Variants in TRAF7 observed in about 807,000 individuals in gnomAD.
The protein encoded by TRAF7 is TNF receptor associated factor 7, also known as E3 ubiquitin-protein ligase TRAF7.
In TRAF7, 45 loss-of-function variants were observed where a neutral mutation model predicts 89.3. The ratio of observed to expected loss-of-function variants is 0.50; its 90% CI spans 0.40 to 0.65. The LOEUF is 0.65. Ranked by LOEUF, TRAF7 falls within the 30% of genes least tolerant of loss-of-function variation. The pLI, the probability that TRAF7 is intolerant of heterozygous loss-of-function variation, is 0.00. For synonymous variants in TRAF7, 406 were observed against 369.2 expected (o/e 1.10, Z -1.14); for missense variants, 677 against 918.1 (o/e 0.74, Z 3.39).
rs985028267 is a variant in TRAF7 at position 2,159,733 on chromosome 16, CACAG to C, written c.-39+3876_-39+3879del. ...CTCCTCCCAGGGCAGTTGCAGGCCT[CACAG>C]GCACACCCACCCATGGCTTGCGCCC... On this transcript the variant is annotated intron_variant, in intron 1 of 20. Coordinates refer to ENST00000326181, the MANE Select transcript of TRAF7 (RefSeq NM_032271.3). This position sits in a 1 kb window ranked among gnomAD's most constrained non-coding sequence, Gnocchi z 6.5. Among the ~76,000 whole-genome samples, 8 of 152,226 alleles carry C rather than the reference CACAG, an allele frequency of 5.3e-5. No homozygotes were observed. Among genetic ancestry groups the C allele is most frequent in the African/African-American group, 1.9e-4 (8 of 41,454 alleles).
chr16:2,169,629 G>A (rs1397679198), intron 4 of TRAF7, among the ~76,000 whole-genome samples: 7 of 152,198 alleles, frequency 4.6e-5, no homozygotes, highest in Non-Finnish European at 1.0e-4. Context: ...AGGCCCGGGA[G>A]AGTGGTTCCC....
At position 2,173,287 on chromosome 16, in the gene TRAF7, G is replaced by A. The variant is rs773875979; in HGVS notation, c.900G>A (p.Glu300=). The A allele has an allele frequency of 9.9e-6, 16 of 1,613,656 alleles. No individual in the cohort carries two copies. The highest frequency in any genetic ancestry group is 1.4e-5 in the Non-Finnish European group (16 of 1,180,004). The part of the protein sequence containing the change: ...FLQQTDDRFH[E]MHVALAQKDQ... ...AGCAGACGGATGACCGCTTCCACGAGATGCACGTGGCTCTGGCCCAGAAGG... is the reference window on the plus strand; with the variant it reads ...AGCAGACGGATGACCGCTTCCACGAAATGCACGTGGCTCTGGCCCAGAAGG... Residue 300 remains glutamate, a synonymous_variant, in exon 10 of 21, where the codon GAG becomes GAA. Coordinates refer to ENST00000326181, the MANE Select transcript of TRAF7 (RefSeq NM_032271.3).
intron 20 of TRAF7, 60 bp from the exon 21 acceptor site, chr16:2,176,500 G>A (rs1567254429): frequency 1.2e-6 from 2 of 1,612,888 alleles, no homozygotes; most frequent in Non-Finnish European, 1.7e-6. Context: ...TGTGGCAGGT[G>A]TGGCTGGGGC....
chr16:2,172,126 G>A lies in TRAF7; in HGVS notation c.476-65G>A. ...GATCTGGCCCCCATTAGAGGCTCATGCCCACCCGGGTGAGGGAGCGTGTGC... is the reference window on the plus strand; with the variant it reads ...GATCTGGCCCCCATTAGAGGCTCATACCCACCCGGGTGAGGGAGCGTGTGC... On this transcript the variant is annotated intron_variant, in intron 7 of 20. Transcript: ENST00000326181. The A allele has an allele frequency of 2.5e-6, 4 of 1,593,258 alleles. No homozygotes were observed. The South Asian group carries it at 4.5e-5, about 18-fold the overall frequency.
Position 2,163,910 on chromosome 16 carries a change from C to CTCTCTAGA in TRAF7, c.-10_-3dup. On this transcript the variant is annotated 5_prime_UTR_variant, in exon 2 of 21. Coordinates refer to ENST00000326181, the MANE Select transcript of TRAF7 (RefSeq NM_032271.3). The surrounding 1 kb of genome is among the most constrained non-coding windows in gnomAD (Gnocchi z 4.3). ...GGTGCTTCCCAAGGACCGTAGATGC[C>CTCTCTAGA]TCTCTAGAGCATGAGCTCAGGCAAG... 6.2e-7 allele frequency: 1 copy of CTCTCTAGA among 1,611,452 alleles called. No homozygotes were observed. The highest frequency in any genetic ancestry group is 8.5e-7 in the Non-Finnish European group (1 of 1,179,186).
rs892299900 is a variant in TRAF7 at position 2,162,831 on chromosome 16, G to A, written c.-38-1052G>A. On this transcript the variant is annotated intron_variant, in intron 1 of 20. Coordinates refer to ENST00000326181, the MANE Select transcript of TRAF7 (RefSeq NM_032271.3). The surrounding 1 kb of genome is among the most constrained non-coding windows in gnomAD (Gnocchi z 5.0). Reference sequence around the variant, plus strand: ...GGAGCTCAGCTTCAAGCCGGGGCTCGGCTGCGCTATCCGCTGCCAGCAGGA... The same window carrying A: ...GGAGCTCAGCTTCAAGCCGGGGCTCAGCTGCGCTATCCGCTGCCAGCAGGA... Among the ~76,000 whole-genome samples the A allele has an allele frequency of 7.9e-5, 12 of 152,176 alleles. No individual in the cohort carries two copies. Among genetic ancestry groups the A allele is most frequent in the Admixed American group, 6.5e-4 (10 of 15,306 alleles).
rs757325627 is a variant in TRAF7, at chr16:2,171,294, G to A, written c.379G>A (p.Val127Met). Residue 127 changes from valine to methionine, a missense_variant, in exon 6 of 21, where the codon GTG (valine) becomes ATG (methionine). Physicochemically the swap from Val to Met is conservative, Grantham distance 21. Around this residue, in one of 6 missense-constraint regions of TRAF7, gnomAD observed 240 missense variants for 191.9 expected, o/e 1.25. Coordinates refer to ENST00000326181, the MANE Select transcript of TRAF7 (RefSeq NM_032271.3). ...EPLVFAEQPS[V>M]KLCCQLCCSV... ...ACTGGTGTTTGCGGAGCAGCCCTCGGTGAAGCTGTGCTGTCAGCTCTGCTG... is the reference window on the plus strand; with the variant it reads ...ACTGGTGTTTGCGGAGCAGCCCTCGATGAAGCTGTGCTGTCAGCTCTGCTG... 2 of 1,555,366 alleles carry A rather than the reference G, an allele frequency of 1.3e-6. No individual in the cohort carries two copies. The highest frequency in any genetic ancestry group is 1.9e-5 in the Admixed American group (1 of 51,848).
rs1354397989 is a variant in TRAF7 at position 2,158,764 on chromosome 16, TCGG to T, written c.-39+2910_-39+2912del. On this transcript the variant is annotated intron_variant, in intron 1 of 20. Coordinates refer to ENST00000326181, the MANE Select transcript of TRAF7 (RefSeq NM_032271.3). This position sits in a 1 kb window ranked among gnomAD's most constrained non-coding sequence, Gnocchi z 4.7. ...CAGCGTGGGACTGGGAAGCGTGGGC[TCGG>T]CGGGGGGGGGGGGGACACTGCCACC... 9.7e-5 allele frequency among the ~76,000 whole-genome samples: 7 copies of T among 72,176 alleles called. 1 individual carries two copies. Among genetic ancestry groups the T allele is most frequent in the African/African-American group, 3.2e-4 (7 of 21,936 alleles). The allele number at this position is 72,176 out of a possible 152,430, so 47.4% of individuals were successfully genotyped here. A position where few individuals can be genotyped will look rare whatever the true frequency, so the allele number is the denominator to read the frequency against.
At chr16:2,167,289 T>A (rs2093090545) in intron 3 of TRAF7, among the ~76,000 whole-genome samples, 2 of 152,034 alleles carry the variant, frequency 1.3e-5, no homozygotes, top group Middle Eastern at 3.2e-3. Flanking sequence ...TCATGACAGA[T>A]GGGGAAACCG....
chr16:2,176,790 A>G lies in TRAF7; in HGVS notation c.*216A>G. 1.4e-6 allele frequency: 1 copy of G among 692,904 alleles called. No individual in the cohort carries two copies. Among genetic ancestry groups the G allele is most frequent in the East Asian group, 2.7e-5 (1 of 36,712 alleles). 42.9% of individuals were successfully genotyped at this position (692,904 alleles called of 1,614,324 possible). ...CCCAGCCCCTCTCTGGGTGCCAGGT[A>G]CGACGCTTGCCCCGGCCCACCCTCC... On this transcript the variant is annotated 3_prime_UTR_variant, in exon 21 of 21. Transcript: ENST00000326181.
chr16:2,171,527 AAG>A lies in TRAF7; in HGVS notation c.442-42_442-41del, dbSNP rs1448942971. The A allele has an allele frequency of 3.1e-6, 5 of 1,612,610 alleles. No individual in the cohort carries two copies. The African/African-American group carries it at 4.0e-5, about 13-fold the overall frequency. On this transcript the variant is annotated intron_variant, in intron 6 of 20. Transcript: ENST00000326181. ...CTGCCATGGCCATGGACTAGGGAAAAAGAGGACCCTGCGCCACCCTCAAGCCC... is the reference window on the plus strand; with the variant it reads ...CTGCCATGGCCATGGACTAGGGAAAAAGGACCCTGCGCCACCCTCAAGCCC...
intron 3 of TRAF7, 59 bp downstream of exon 3, chr16:2,165,995 A>C: frequency 1.9e-6 from 3 of 1,602,812 alleles, no homozygotes; most frequent in Non-Finnish European, 2.6e-6. Context: ...CCCCATGCCC[A>C]CCCTGCTAAG....
Position 2,171,266 on chromosome 16 carries a change from G to T in TRAF7, c.351G>T (p.Glu117Asp). ...FSLPEEEEEP[E>D]PLVFAEQPSV... ...CTGCCTTTCCCGCTTGGTTCCAGGAGCCACTGGTGTTTGCGGAGCAGCCCT... is the reference window on the plus strand; with the variant it reads ...CTGCCTTTCCCGCTTGGTTCCAGGATCCACTGGTGTTTGCGGAGCAGCCCT... The change falls in exon 6 of 21, where the codon GAG (glutamate) becomes GAT (aspartate). Residue 117 changes from glutamate to aspartate, a missense_variant and splice_region_variant. By Grantham distance (45) the Glu-to-Asp change is conservative. Around this residue, in one of 6 missense-constraint regions of TRAF7, gnomAD observed 240 missense variants for 191.9 expected, o/e 1.25. Coordinates refer to ENST00000326181, the MANE Select transcript of TRAF7 (RefSeq NM_032271.3). 1.3e-6 allele frequency: 2 copies of T among 1,547,202 alleles called. No individual in the cohort carries two copies. Among genetic ancestry groups the T allele is most frequent in the Non-Finnish European group, 8.7e-7 (1 of 1,146,508 alleles).
chr16:2,175,037 C>T, intron 14 of TRAF7, 74 bp from the exon 15 acceptor site: 3 of 1,596,570 alleles, frequency 1.9e-6, no homozygotes, highest in Non-Finnish European at 2.6e-6. Flanking sequence ...TGGCATGGAC[C>T]TCGGGCCCTG....
chr16:2,163,620 T>A lies in TRAF7; in HGVS notation c.-38-263T>A, dbSNP rs2093066122. ...CCCTCCACCTCGGGGAAGAGCTGGATGGGCTCTTCGGGAGCTCAGAAAGGC... is the reference window on the plus strand; with the variant it reads ...CCCTCCACCTCGGGGAAGAGCTGGAAGGGCTCTTCGGGAGCTCAGAAAGGC... On this transcript the variant is annotated intron_variant, in intron 1 of 20. Transcript: ENST00000326181. The surrounding 1 kb of genome is among the most constrained non-coding windows in gnomAD (Gnocchi z 4.3). 1 of 435,412 alleles carries A rather than the reference T, an allele frequency of 2.3e-6. No individual in the cohort carries two copies. The highest frequency in any genetic ancestry group is 4.3e-6 in the Non-Finnish European group (1 of 235,164). 27.0% of individuals were successfully genotyped at this position (435,412 alleles called of 1,614,324 possible).
rs1452144576 is a variant in TRAF7 at position 2,159,738 on chromosome 16, G to T, written c.-39+3880G>T. ...CCCAGGGCAGTTGCAGGCCTCACAG[G>T]CACACCCACCCATGGCTTGCGCCCC... On this transcript the variant is annotated intron_variant, in intron 1 of 20. Transcript: ENST00000326181. This position sits in a 1 kb window ranked among gnomAD's most constrained non-coding sequence, Gnocchi z 6.5. 6.6e-6 allele frequency among the ~76,000 whole-genome samples: 1 copy of T among 152,194 alleles called. No homozygotes were observed. Among genetic ancestry groups the T allele is most frequent in the Non-Finnish European group, 1.5e-5 (1 of 68,024 alleles).
At chr16:2,169,146 T>C (rs2093098487) in intron 4 of TRAF7, among the ~76,000 whole-genome samples, 1 of 152,050 alleles carries the variant, frequency 6.6e-6, no homozygotes, top group South Asian at 2.1e-4. Context: ...CCACCACTCC[T>C]GGCTAATTTT....
chr16:2,172,958 G>T (rs534204374), intron 9 of TRAF7, among the ~76,000 whole-genome samples: 1 of 152,318 alleles, frequency 6.6e-6, no homozygotes, highest in Admixed American at 6.5e-5. Context: ...CTCAGGAAGG[G>T]AGGACCCCTT....
chr16:2,157,364 G>C (rs1596664601), intron 1 of TRAF7, among the ~76,000 whole-genome samples: 1 of 152,132 alleles, frequency 6.6e-6, no homozygotes, highest in Admixed American at 6.5e-5. Flanking sequence ...CAACCTGAGG[G>C]TCTCTGGTGA....
Sources: gnomAD v4.1 joint callset for allele counts (sites outside exome capture counted in the v4.1 genomes callset) on GRCh38, gnomAD v4.1.1 for gene constraint, gnomAD v4.1.1 regional missense constraint, Gnocchi (gnomAD v3.1) non-coding constraint, MANE v1.5 for transcripts, NCBI Gene and HGNC (gene_info 2026-07-23, HGNC 2026-07-21) for gene names.